DLG2: variants seen among roughly 807,000 people sequenced by gnomAD.
DLG2 encodes the protein disks large homolog 2.
In DLG2, 45 loss-of-function variants were observed where a neutral mutation model predicts 132.5. That is an observed-to-expected ratio of 0.34 (90% confidence interval 0.27 to 0.44). The LOEUF is 0.44. DLG2 is among the 20% of genes least tolerant of loss of function. The pLI is 1.00. For synonymous variants in DLG2, 424 were observed against 419.6 expected (o/e 1.01, Z -0.13); for missense variants, 1,045 against 1,196.9 (o/e 0.87, Z 1.87).
chr11:84,130,027 T>A (rs2094350261), intron 9 of DLG2, among the ~76,000 whole-genome samples: 1 of 151,936 alleles, frequency 6.6e-6, no homozygotes, highest in African/African-American at 2.4e-5. Flanking sequence ...ATTTAGAAAT[T>A]TCTCAAAAGT....
chr11:84,742,544 G>C (rs2064822928), intron 6 of DLG2, among the ~76,000 whole-genome samples: 1 of 152,128 alleles, frequency 6.6e-6, no homozygotes, highest in African/African-American at 2.4e-5. Flanking sequence ...AAGGTACAGA[G>C]ATATCCTACA....
chr11:84,517,058 T>TA (rs36091027), intron 7 of DLG2, among the ~76,000 whole-genome samples: 33,240 of 112,048 alleles, frequency 0.3, 5,703 homozygotes, highest in Non-Finnish European at 0.38. Context: ...TATTCTATCC[T>TA]AAAAAAAAAA....
chr11:84,204,406 T>G (rs1425614391), intron 8 of DLG2, among the ~76,000 whole-genome samples: 1 of 152,158 alleles, frequency 6.6e-6, no homozygotes, highest in Non-Finnish European at 1.5e-5. Context: ...TGTAATAGGT[T>G]AAAGATGGAT....
chr11:85,129,392 G>A (rs1052014371), intron 5 of DLG2, among the ~76,000 whole-genome samples: 1 of 152,180 alleles, frequency 6.6e-6, no homozygotes, highest in African/African-American at 2.4e-5. Flanking sequence ...AAGATCTAAG[G>A]TGGGATTATT....
intron 7 of DLG2, among the ~76,000 whole-genome samples, chr11:84,469,377 G>A (rs1357575909): frequency 6.6e-6 from 1 of 151,506 alleles, no homozygotes; most frequent in Non-Finnish European, 1.5e-5. Flanking sequence ...TTAGGCTGAT[G>A]GCACAGGAAA....
At chr11:84,907,069 G>C (rs555051860) in intron 6 of DLG2, among the ~76,000 whole-genome samples, 7 of 152,272 alleles carry the variant, frequency 4.6e-5, no homozygotes, top group African/African-American at 1.7e-4. Flanking sequence ...TTGTTTTCAT[G>C]AGAGACTAAC....
At chr11:85,617,225 G>C (rs1443401825) in intron 2 of DLG2, among the ~76,000 whole-genome samples, 2 of 152,146 alleles carry the variant, frequency 1.3e-5, no homozygotes, top group Non-Finnish European at 2.9e-5. Context: ...TTTCCACCAT[G>C]TCACTGCTAT....
chr11:85,357,555 T>G (rs1486955089), intron 3 of DLG2, among the ~76,000 whole-genome samples: 2 of 141,354 alleles, frequency 1.4e-5, no homozygotes, highest in African/African-American at 2.7e-5. Flanking sequence ...ACAAGTCTTC[T>G]GATCTAGTTT....
intron 3 of DLG2, among the ~76,000 whole-genome samples, chr11:85,509,620 C>A (rs755042399): frequency 6.6e-6 from 1 of 151,924 alleles, no homozygotes; most frequent in Non-Finnish European, 1.5e-5. Flanking sequence ...CGATATCCTC[C>A]GATGTATCTA....
chr11:84,990,445 G>C (rs1566590919), intron 6 of DLG2, among the ~76,000 whole-genome samples: 3 of 152,116 alleles, frequency 2.0e-5, no homozygotes, highest in Admixed American at 2.0e-4. Context: ...TGCCATGCAA[G>C]AATGCAGCAA....
At chr11:84,921,713 G>A (rs1039499852) in intron 6 of DLG2, among the ~76,000 whole-genome samples, 3 of 151,844 alleles carry the variant, frequency 2.0e-5, no homozygotes, top group African/African-American at 4.8e-5. Context: ...TCAAAAAGAT[G>A]AGGAGGGAAA....
At chr11:85,516,107 A>G (rs1031695697) in intron 3 of DLG2, among the ~76,000 whole-genome samples, 3 of 152,040 alleles carry the variant, frequency 2.0e-5, no homozygotes, top group African/African-American at 7.2e-5. Context: ...GTCACTTCTC[A>G]GACCACAGTG....
intron 18 of DLG2, among the ~76,000 whole-genome samples, chr11:83,712,187 C>T (rs1373062339): frequency 6.6e-6 from 1 of 152,038 alleles, no homozygotes. Context: ...ATAAGTCATT[C>T]TATTATAAAG....
At chr11:84,005,108 C>G (rs968884650) in intron 11 of DLG2, among the ~76,000 whole-genome samples, 1 of 151,642 alleles carries the variant, frequency 6.6e-6, no homozygotes, top group Non-Finnish European at 1.5e-5. Context: ...TACAACCTGA[C>G]TTAGAAATAT....
intron 15 of DLG2, among the ~76,000 whole-genome samples, chr11:83,885,329 C>T (rs1011385886): frequency 6.6e-6 from 1 of 152,002 alleles, no homozygotes; most frequent in Non-Finnish European, 1.5e-5. Flanking sequence ...ATGTGATCAA[C>T]TGGAAGAAAG....
At chr11:84,971,397 T>C (rs10501583) in intron 6 of DLG2, among the ~76,000 whole-genome samples, 1 of 152,200 alleles carries the variant, frequency 6.6e-6, no homozygotes, top group African/African-American at 2.4e-5. Flanking sequence ...GTAACATTTA[T>C]GAATACATTG....
intron 3 of DLG2, among the ~76,000 whole-genome samples, chr11:85,316,732 A>G (rs919817335): frequency 2.0e-5 from 3 of 151,870 alleles, no homozygotes; most frequent in Non-Finnish European, 4.4e-5. Context: ...AAAATAGAAA[A>G]TCTTCTTTGG....
chr11:84,223,325 G>T (rs749503620), intron 8 of DLG2, among the ~76,000 whole-genome samples: 2 of 152,126 alleles, frequency 1.3e-5, no homozygotes, highest in South Asian at 4.1e-4. Context: ...GTTTTTCTGC[G>T]CATGGGATTC....
At chr11:85,372,807 G>A (rs2085091977) in intron 3 of DLG2, among the ~76,000 whole-genome samples, 1 of 151,876 alleles carries the variant, frequency 6.6e-6, no homozygotes, top group African/African-American at 2.4e-5. Flanking sequence ...GGATGGAAGA[G>A]GGAAAGTGGA....
Sources: allele counts gnomAD v4.1 joint callset (sites outside exome capture counted in the v4.1 genomes callset), GRCh38; gene constraint gnomAD v4.1.1; transcripts MANE v1.5; gene names NCBI Gene and HGNC (gene_info 2026-07-23, HGNC 2026-07-21).